Variants in SMAD4 observed in about 807,000 individuals in gnomAD.
SMAD4 encodes MAD homolog 4.
Under a neutral mutation model 63.2 loss-of-function variants are expected in SMAD4, and 7 were observed. The observed-to-expected ratio is 0.11, with a 90% CI of 0.06 to 0.21. The LOEUF (loss-of-function observed/expected upper bound fraction) is 0.21, where lower values mean the gene tolerates loss of function less well. SMAD4 is among the 10% of genes least tolerant of loss of function. SMAD4 has a pLI of 1.00. For missense variants in SMAD4, 312 were observed against 693.8 expected, an observed-to-expected ratio of 0.45 and a Z score of 6.18; for synonymous variants, 215 against 235.4, an observed-to-expected ratio of 0.91 and a Z score of 0.79.
intron 1 of SMAD4, among the ~76,000 whole-genome samples, chr18:51,038,180 C>G (rs1244168171): frequency 6.6e-6 from 1 of 150,702 alleles, no homozygotes; most frequent in Non-Finnish European, 1.5e-5. Flanking sequence ...TTGCTTCAGC[C>G]AGGGAGTTCA....
Position 51,083,820 on chromosome 18 carries a change from T to C in SMAD4, c.*5353T>C. ...GCAGTTTTGGATTTCTTCCTTATCT[T>C]TGTTCTGCTGTTTGAGGGGGCTTTT... On this transcript the variant is annotated 3_prime_UTR_variant, in exon 12 of 12. Transcript: ENST00000342988. 1 of 231,284 alleles carries C rather than the reference T, an allele frequency of 4.3e-6. No individual in the cohort carries two copies. Among genetic ancestry groups the C allele is most frequent in the Non-Finnish European group, 8.6e-6 (1 of 116,724 alleles). 14.3% of individuals were successfully genotyped at this position (231,284 alleles called of 1,614,324 possible).
chr18:51,051,048 C>T (rs1909697494), intron 4 of SMAD4: 1 of 158,932 alleles, frequency 6.3e-6, no homozygotes, highest in Non-Finnish European at 1.4e-5. Context: ...AAAGTAAACA[C>T]GTTTCATATC....
intron 4 of SMAD4, chr18:51,051,337 G>GTGTAAAGGC: frequency 2.2e-6 from 1 of 456,012 alleles, no homozygotes; most frequent in South Asian, 1.6e-5. Flanking sequence ...GCTGTCTTCA[G>GTGTAAAGGC]TGTCTTATTT....
Position 51,083,394 on chromosome 18 carries a change from A to G in SMAD4, c.*4927A>G, listed in dbSNP as rs887302918. 1.3e-5 allele frequency: 3 copies of G among 227,992 alleles called. No homozygotes were observed. Among genetic ancestry groups the G allele is most frequent in the Middle Eastern group, 1.4e-3 (1 of 736 alleles). The allele number at this position is 227,992 out of a possible 1,614,324, so 14.1% of individuals were successfully genotyped here. A position where few individuals can be genotyped will look rare whatever the true frequency, so the allele number is the denominator to read the frequency against. ...CCAAGGAGTAGCTAAAGTAATTGCT[A>G]GTGTTTTCAGGGATTTTAACATCAG... On this transcript the variant is annotated 3_prime_UTR_variant, in exon 12 of 12. Coordinates refer to ENST00000342988, the MANE Select transcript of SMAD4 (RefSeq NM_005359.6).
chr18:51,040,618 C>A (rs1401748800), intron 1 of SMAD4, among the ~76,000 whole-genome samples: 1 of 152,146 alleles, frequency 6.6e-6, no homozygotes, highest in Non-Finnish European at 1.5e-5. Context: ...ACATGAGAAC[C>A]TCTCTCTGGC....
At chr18:51,066,207 G>A (rs1438948932) in intron 9 of SMAD4, among the ~76,000 whole-genome samples, 1 of 151,904 alleles carries the variant, frequency 6.6e-6, no homozygotes, top group South Asian at 2.1e-4. Flanking sequence ...AGCCATATGT[G>A]GTGGTGTCCA....
At chr18:51,074,676 T>C (rs1054279625) in intron 10 of SMAD4, among the ~76,000 whole-genome samples, 1 of 152,192 alleles carries the variant, frequency 6.6e-6, no homozygotes, top group Admixed American at 6.5e-5. Flanking sequence ...AGTTTATTAA[T>C]TTACTTCTTT....
At chr18:51,062,661 G>A (rs547560718) in intron 8 of SMAD4, among the ~76,000 whole-genome samples, 8 of 151,466 alleles carry the variant, frequency 5.3e-5, no homozygotes, top group Non-Finnish European at 1.0e-4. Flanking sequence ...ACCATGCCTG[G>A]CTAATTTTTG....
intron 5 of SMAD4, among the ~76,000 whole-genome samples, chr18:51,057,843 A>G (rs1176243162): frequency 6.6e-6 from 1 of 152,234 alleles, no homozygotes; most frequent in East Asian, 1.9e-4. Flanking sequence ...GGCCAGACGT[A>G]CAGTGGTGTT....
intron 5 of SMAD4, 107 bp from the exon 6 acceptor site, chr18:51,058,018 T>A (rs947480068): frequency 1.5e-6 from 2 of 1,346,952 alleles, no homozygotes; most frequent in Non-Finnish European, 2.1e-6. Context: ...TTTTTGCCCA[T>A]CTTTATAGTT....
rs1203141844 is a variant in SMAD4, at chr18:51,054,866, A to C, written c.540A>C (p.Gln180His). 6.2e-7 allele frequency: 1 copy of C among 1,614,128 alleles called. No individual in the cohort carries two copies. The highest frequency in any genetic ancestry group is 8.5e-7 in the Non-Finnish European group (1 of 1,179,940). ...PSLSTEGHSI[Q>H]TIQHPPSNRA... ...TGTCCACTGAAGGACATTCAATTCA[A>C]ACCATCCAGCATCCACCAAGTAATC... is the stretch of plus-strand genomic sequence containing the variant. Residue 180 changes from glutamine to histidine, a missense_variant, in exon 5 of 12, where the codon CAA becomes CAC. Gln to His is a conservative substitution (Grantham distance 24). This residue lies in a region of SMAD4 where 169 missense variants were observed against 211.0 expected (regional missense o/e 0.80). Coordinates refer to ENST00000342988, the MANE Select transcript of SMAD4 (RefSeq NM_005359.6).
chr18:51,046,511 G>A (rs944825434), intron 1 of SMAD4, among the ~76,000 whole-genome samples: 1 of 150,736 alleles, frequency 6.6e-6, no homozygotes, highest in Non-Finnish European at 1.5e-5. Flanking sequence ...CATACCAGGC[G>A]ATGGTAAATT....
chr18:51,084,306 A>G lies in SMAD4; in HGVS notation c.*5839A>G. 1 of 223,946 alleles carries G rather than the reference A, an allele frequency of 4.5e-6. No homozygotes were observed. Among genetic ancestry groups the G allele is most frequent in the Non-Finnish European group, 8.8e-6 (1 of 113,452 alleles). The allele number at this position is 223,946 out of a possible 1,614,324, so 13.9% of individuals were successfully genotyped here. A position where few individuals can be genotyped will look rare whatever the true frequency, so the allele number is the denominator to read the frequency against. Reference sequence around the variant, plus strand: ...AAGGAAATTCCCTTGAACCGTGTCAATTAAACTGGTTTATATGACTCAAGA... The same window carrying G: ...AAGGAAATTCCCTTGAACCGTGTCAGTTAAACTGGTTTATATGACTCAAGA... On this transcript the variant is annotated 3_prime_UTR_variant, in exon 12 of 12. Transcript: ENST00000342988.
intron 10 of SMAD4, among the ~76,000 whole-genome samples, chr18:51,076,013 C>G (rs1422558688): frequency 6.6e-6 from 1 of 152,016 alleles, no homozygotes; most frequent in Non-Finnish European, 1.5e-5. Flanking sequence ...TAGAGAGAAA[C>G]TAATGAAGTC....
At chr18:51,049,219 TTC>T (rs1757238154) in intron 3 of SMAD4, 74 bp from the exon 4 acceptor site, 1 of 1,136,620 alleles carries the variant, frequency 8.8e-7, no homozygotes, top group Non-Finnish European at 1.3e-6. Context: ...TAAATTTACA[TTC>T]TCTGTTTTTA....
At chr18:51,040,943 CATT>C (rs1909360862) in intron 1 of SMAD4, among the ~76,000 whole-genome samples, 1 of 152,130 alleles carries the variant, frequency 6.6e-6, no homozygotes, top group South Asian at 2.1e-4. Flanking sequence ...ATTTTTTAAT[CATT>C]GAGTTATCTA....
intron 10 of SMAD4, among the ~76,000 whole-genome samples, chr18:51,068,740 G>C (rs1910237063): frequency 7.9e-6 from 1 of 125,794 alleles, no homozygotes; most frequent in Non-Finnish European, 1.7e-5. Flanking sequence ...GCCACAAAGT[G>C]ATACCCCCAT....
At position 51,082,885 on chromosome 18, in the gene SMAD4, A is replaced by G. The variant is rs1395642393; in HGVS notation, c.*4418A>G. On this transcript the variant is annotated 3_prime_UTR_variant, in exon 12 of 12. Transcript: ENST00000342988. The stretch of plus-strand genomic sequence containing the variant: ...GCCTAGGCAAGGAAACCAGATAACC[A>G]AACTTACTAGAACGTTCTTTAAAAC... The G allele has an allele frequency of 4.4e-6, 1 of 227,498 alleles. No homozygotes were observed. The highest frequency in any genetic ancestry group is 8.7e-6 in the Non-Finnish European group (1 of 114,488). 14.1% of individuals were successfully genotyped at this position (227,498 alleles called of 1,614,324 possible). A position where few individuals can be genotyped will look rare whatever the true frequency, so the allele number is the denominator to read the frequency against.
At chr18:51,038,860 G>A (rs1380290260) in intron 1 of SMAD4, among the ~76,000 whole-genome samples, 1 of 151,994 alleles carries the variant, frequency 6.6e-6, no homozygotes, top group Non-Finnish European at 1.5e-5. Flanking sequence ...TATATAGCCC[G>A]CATAAAAGCT....
Sources: allele counts gnomAD v4.1 joint callset (sites outside exome capture counted in the v4.1 genomes callset), GRCh38; gene constraint gnomAD v4.1.1; regional missense constraint gnomAD v4.1.1; transcripts MANE v1.5; gene names NCBI Gene and HGNC (gene_info 2026-07-23, HGNC 2026-07-21).